Variants in IWS1 observed in about 807,000 individuals in gnomAD.
IWS1 encodes the protein protein IWS1 homolog.
IWS1 carries 27 observed loss-of-function variants against 86.7 expected under a neutral mutation model. The observed-to-expected ratio is 0.31, with a 90% CI of 0.23 to 0.43. The LOEUF (loss-of-function observed/expected upper bound fraction) is 0.43. Among genes scored for constraint, IWS1 ranks in the 20% least tolerant of loss-of-function variants. The pLI is 1.00. For missense variants in IWS1, 827 were observed against 1,000.8 expected (o/e 0.83, Z 2.34); for synonymous variants, 313 against 335.1 (o/e 0.93, Z 0.72).
In IWS1 at chr2:127,505,562, T is replaced by C. The variant is rs111686968; in HGVS notation, c.341A>G (p.Asn114Ser). Reference protein sequence around the residue: ...PASDSENEDVNQHGSDSESEE... With the variant: ...PASDSENEDVSQHGSDSESEE... Reference sequence around the variant, plus strand: ...ACTCTCAGAGTCGCTCCCATGCTGATTGACATCCTCATTTTCAGAATCGCT... The same window carrying C: ...ACTCTCAGAGTCGCTCCCATGCTGACTGACATCCTCATTTTCAGAATCGCT... Residue 114 changes from asparagine to serine, a missense_variant, in exon 3 of 14, where the codon AAT becomes AGT. Physicochemically the swap from Asn to Ser is conservative, Grantham distance 46. Transcript: ENST00000295321. This position sits in a 1 kb window ranked among gnomAD's most constrained non-coding sequence, Gnocchi z 5.0. 9.8e-5 allele frequency: 158 copies of C among 1,614,082 alleles called. 1 individual carries two copies. In the East Asian group the frequency reaches 1.2e-3, roughly 12 times the overall value.
At chr2:127,523,069 C>T (rs1200753075) in intron 2 of IWS1, among the ~76,000 whole-genome samples, 1 of 152,030 alleles carries the variant, frequency 6.6e-6, no homozygotes, top group South Asian at 2.1e-4. Context: ...AATAGCTGGA[C>T]GTGGTGGCCT....
intron 2 of IWS1, among the ~76,000 whole-genome samples, chr2:127,515,993 G>C (rs115781323): frequency 0.016 from 2,490 of 152,294 alleles, 65 homozygotes; most frequent in African/African-American, 0.057. Context: ...CTTGCTTAAA[G>C]AAGGCTCTAC....
intron 5 of IWS1, chr2:127,498,811 A>G (rs947988089): frequency 6.6e-6 from 1 of 152,226 alleles, no homozygotes; most frequent in Non-Finnish European, 1.5e-5. Context: ...CAATCTCTGG[A>G]TGGAAAAACA....
chr2:127,483,086 A>G (rs1689718508), intron 13 of IWS1: 1 of 149,676 alleles, frequency 6.7e-6, no homozygotes, highest in South Asian at 2.1e-4. Context: ...CATATGTATG[A>G]AAAAAAAAGA....
chr2:127,523,159 G>C (rs571771822), intron 2 of IWS1, among the ~76,000 whole-genome samples: 1 of 152,068 alleles, frequency 6.6e-6, no homozygotes, highest in African/African-American at 2.4e-5. Context: ...GCAGTGAGCC[G>C]AGGTCTCACC....
At chr2:127,523,536 G>C (rs1692223520) in intron 2 of IWS1, 140 bp downstream of exon 2, 1 of 575,064 alleles carries the variant, frequency 1.7e-6, no homozygotes, top group Non-Finnish European at 3.1e-6. Context: ...TTTTCAAGCG[G>C]TTTTCTATTA....
At chr2:127,503,281 A>G in intron 4 of IWS1, 106 bp downstream of exon 4, 1 of 787,024 alleles carries the variant, frequency 1.3e-6, no homozygotes, top group South Asian at 2.1e-5. Context: ...AAAATACTAA[A>G]TCCCCAAAGA....
chr2:127,489,253 A>G lies in IWS1; in HGVS notation c.2160-18T>C, dbSNP rs771715659. The stretch of plus-strand genomic sequence containing the variant: ...CACCAGTGCTGAAAAAAAAGTAAAC[A>G]AGGAGATACCAGGAATATTAGAACC... On this transcript the variant is annotated intron_variant, in intron 11 of 13. Coordinates refer to ENST00000295321, the MANE Select transcript of IWS1 (RefSeq NM_017969.3). The surrounding 1 kb of genome is among the most constrained non-coding windows in gnomAD (Gnocchi z 4.8). The G allele has an allele frequency of 1.1e-5, 18 of 1,598,818 alleles. No homozygotes were observed. The highest frequency in any genetic ancestry group is 1.5e-5 in the Non-Finnish European group (18 of 1,167,776).
At chr2:127,491,928 C>G (rs779197138) in intron 10 of IWS1, 43 bp downstream of exon 10, 47 of 1,124,710 alleles carry the variant, frequency 4.2e-5, no homozygotes, top group Non-Finnish European at 6.3e-5. Context: ...TCTCTCTTAT[C>G]TATACACATA....
chr2:127,510,391 T>C (rs1356837266), intron 2 of IWS1, among the ~76,000 whole-genome samples: 1 of 152,208 alleles, frequency 6.6e-6, no homozygotes, highest in South Asian at 2.1e-4. Flanking sequence ...GTCCCCTGTC[T>C]ATCAAAAGTT....
At chr2:127,527,286 C>A (rs1196390918), upstream of IWS1, among the ~76,000 whole-genome samples, 1 of 152,142 alleles carries the variant, frequency 6.6e-6, no homozygotes, top group African/African-American at 2.4e-5. Context: ...GCCAAACAGA[C>A]CTTCCAAATT....
chr2:127,523,141 C>A (rs888471099), intron 2 of IWS1, among the ~76,000 whole-genome samples: 7 of 152,070 alleles, frequency 4.6e-5, no homozygotes, highest in Admixed American at 2.0e-4. Context: ...AGCCCAGAGG[C>A]AGAGGCTGCA....
chr2:127,526,191 G>A lies in IWS1; in HGVS notation c.18C>T (p.Tyr6=), dbSNP rs1281113306. 11 of 1,596,824 alleles carry A rather than the reference G, an allele frequency of 6.9e-6. No individual in the cohort carries two copies. Among genetic ancestry groups the A allele is most frequent in the Non-Finnish European group, 9.4e-6 (11 of 1,172,200 alleles). Residue 6 remains tyrosine (Y), a synonymous_variant, in exon 1 of 14, where the codon TAC becomes TAT. Coordinates refer to ENST00000295321, the MANE Select transcript of IWS1 (RefSeq NM_017969.3). Reference sequence around the variant, plus strand: ...CTGCCCCACCTGACTGGTCGCCGCTGTAATATTCCGAGTCCATGGCAGGCG... The same window carrying A: ...CTGCCCCACCTGACTGGTCGCCGCTATAATATTCCGAGTCCATGGCAGGCG... MDSEY[Y]SGDQSDDGGA... is the part of the protein sequence containing the mutation.
intron 5 of IWS1, among the ~76,000 whole-genome samples, chr2:127,501,228 A>G (rs529003320): frequency 2.0e-5 from 3 of 152,178 alleles, no homozygotes; most frequent in Non-Finnish European, 4.4e-5. Flanking sequence ...TCATTCCTGG[A>G]AAGTATTTTT....
chr2:127,520,158 C>T (rs1692013826), intron 2 of IWS1, among the ~76,000 whole-genome samples: 1 of 152,020 alleles, frequency 6.6e-6, no homozygotes, highest in Non-Finnish European at 1.5e-5. Context: ...ATTTGTACTG[C>T]CCCATTTTTT....
chr2:127,485,288 T>C (rs537207941), intron 13 of IWS1, among the ~76,000 whole-genome samples: 2 of 152,166 alleles, frequency 1.3e-5, no homozygotes, highest in South Asian at 2.1e-4. Context: ...AGAAGAACCA[T>C]AGGCAGGCAA....
intron 12 of IWS1, among the ~76,000 whole-genome samples, chr2:127,487,216 A>G (rs1042874268): frequency 5.3e-5 from 8 of 152,346 alleles, no homozygotes; most frequent in Non-Finnish European, 1.0e-4. Flanking sequence ...GAGAGATCCA[A>G]TGTCTCTCCC....
chr2:127,505,674 G>C lies in IWS1; in HGVS notation c.229C>G (p.Leu77Val). 1.2e-6 allele frequency: 2 copies of C among 1,613,326 alleles called. No individual in the cohort carries two copies. The highest frequency in any genetic ancestry group is 1.7e-6 in the Non-Finnish European group (2 of 1,179,750). ...TCACTTTCAGAGTCACTAGCATTAA[G>C]ATTTAAGGGCTCATCGTTCTCAGAG... Reference protein sequence around the residue: ...TDSENDEPLNLNASDSESEEL... With the variant: ...TDSENDEPLNVNASDSESEEL... The change falls in exon 3 of 14, where the codon CTT becomes GTT. Residue 77 changes from leucine to valine, a missense_variant. By Grantham distance (32) the Leu-to-Val change is conservative. Coordinates refer to ENST00000295321, the MANE Select transcript of IWS1 (RefSeq NM_017969.3). This position sits in a 1 kb window ranked among gnomAD's most constrained non-coding sequence, Gnocchi z 5.0.
At chr2:127,491,735 C>T (rs552378774) in intron 10 of IWS1, among the ~76,000 whole-genome samples, 5 of 152,214 alleles carry the variant, frequency 3.3e-5, no homozygotes, top group African/African-American at 1.2e-4. Flanking sequence ...TAAGCCACCA[C>T]ACCCAGCCTC....
Sources: gnomAD v4.1 joint callset for allele counts (sites outside exome capture counted in the v4.1 genomes callset) on GRCh38, gnomAD v4.1.1 for gene constraint, Gnocchi (gnomAD v3.1) non-coding constraint, MANE v1.5 for transcripts, NCBI Gene and HGNC (gene_info 2026-07-23, HGNC 2026-07-21) for gene names.